RSPO2: variants seen among roughly 807,000 people sequenced by gnomAD.
The protein encoded by RSPO2 is R-spondin-2.
A neutral mutation model predicts 30.9 loss-of-function variants in RSPO2; 14 were observed. The ratio of observed to expected loss-of-function variants is 0.45; its 90% CI spans 0.30 to 0.71. The LOEUF (loss-of-function observed/expected upper bound fraction) is 0.71, where lower values mean the gene tolerates loss of function less well. Among genes scored for constraint, RSPO2 ranks in the 30% least tolerant of loss-of-function variants. RSPO2 has a pLI of 0.08. For missense variants in RSPO2, 264 were observed against 301.9 expected, an observed-to-expected ratio of 0.87 and a Z score of 0.93; for synonymous variants, 107 against 96.4, an observed-to-expected ratio of 1.11 and a Z score of -0.64.
intron 5 of RSPO2, among the ~76,000 whole-genome samples, chr8:107,909,662 CA>C (rs545961402): frequency 9.2e-5 from 14 of 151,994 alleles, no homozygotes; most frequent in Non-Finnish European, 1.9e-4. Flanking sequence ...CTGAGTTCCA[CA>C]AAAAAAGTCA....
intron 5 of RSPO2, among the ~76,000 whole-genome samples, chr8:107,956,410 G>A (rs568261550): frequency 3.3e-5 from 5 of 152,162 alleles, no homozygotes; most frequent in Non-Finnish European, 7.4e-5. Context: ...AATATTAGCA[G>A]ATGATACATA....
At chr8:108,007,641 T>C (rs750964007) in intron 2 of RSPO2, among the ~76,000 whole-genome samples, 16 of 152,200 alleles carry the variant, frequency 1.1e-4, no homozygotes, top group Non-Finnish European at 1.6e-4. Context: ...AACTTGATAC[T>C]GTAGAAACCC....
chr8:108,040,531 T>C (rs756553782), intron 2 of RSPO2, among the ~76,000 whole-genome samples: 13 of 152,012 alleles, frequency 8.6e-5, no homozygotes, highest in Non-Finnish European at 1.5e-4. Flanking sequence ...AGAAAAAAAG[T>C]TGTAGATTGG....
chr8:108,076,044 T>C (rs1175914177), intron 2 of RSPO2, among the ~76,000 whole-genome samples: 1 of 152,088 alleles, frequency 6.6e-6, no homozygotes, highest in East Asian at 1.9e-4. Context: ...TAAGAAACTA[T>C]GAGGGAATAA....
At chr8:108,003,245 GTATGTA>G (rs1196606714) in intron 2 of RSPO2, among the ~76,000 whole-genome samples, 844 of 60,392 alleles carry the variant, frequency 0.014, 23 homozygotes, top group South Asian at 0.12. Flanking sequence ...ATATATGTAT[GTATGTA>G]TGTGTGTGTG....
At chr8:107,968,935 A>G (rs1031341806) in intron 3 of RSPO2, among the ~76,000 whole-genome samples, 1 of 152,152 alleles carries the variant, frequency 6.6e-6, no homozygotes, top group Non-Finnish European at 1.5e-5. Flanking sequence ...TCTAGAGTAC[A>G]CTTAGTGGCT....
intron 2 of RSPO2, among the ~76,000 whole-genome samples, chr8:108,079,391 T>G (rs1813115035): frequency 6.6e-6 from 1 of 152,148 alleles, no homozygotes; most frequent in Non-Finnish European, 1.5e-5. Flanking sequence ...GTAGTCTTAT[T>G]GTTCGTGATG....
intron 3 of RSPO2, among the ~76,000 whole-genome samples, chr8:107,971,499 C>G (rs1813996896): frequency 6.6e-6 from 1 of 152,144 alleles, no homozygotes; most frequent in African/African-American, 2.4e-5. Flanking sequence ...AGAATTAAAA[C>G]AGGGTTTACG....
intron 2 of RSPO2, among the ~76,000 whole-genome samples, chr8:108,010,283 T>A (rs1283461758): frequency 1.3e-5 from 2 of 152,104 alleles, no homozygotes; most frequent in Non-Finnish European, 2.9e-5. Context: ...CAAAGGTACA[T>A]GTGCTATAAC....
chr8:107,946,006 C>T (rs1400743778), intron 5 of RSPO2, among the ~76,000 whole-genome samples: 1 of 152,156 alleles, frequency 6.6e-6, no homozygotes, highest in Admixed American at 6.6e-5. Flanking sequence ...CTCTGCCTAA[C>T]AAAAGTTATA....
intron 2 of RSPO2, among the ~76,000 whole-genome samples, chr8:108,056,483 C>T (rs1362792230): frequency 6.6e-6 from 1 of 150,988 alleles, no homozygotes; most frequent in Non-Finnish European, 1.5e-5. Flanking sequence ...AATAGGCAGG[C>T]CTGGTGGTAC....
chr8:107,900,884 A>G lies in RSPO2; in HGVS notation c.*191T>C, dbSNP rs1259456827. On this transcript the variant is annotated 3_prime_UTR_variant, in exon 6 of 6. Transcript: ENST00000276659. ...GCTGTGCACTTACTCCTGCCTTCAC[A>G]GTCTCCAGATTCAAATCAAAGCATA... 2 of 559,394 alleles carry G rather than the reference A, an allele frequency of 3.6e-6. No homozygotes were observed. The highest frequency in any genetic ancestry group is 3.4e-5 in the Admixed American group (1 of 29,434). The allele number at this position is 559,394 out of a possible 1,614,324, so 34.7% of individuals were successfully genotyped here. A position where few individuals can be genotyped will look rare whatever the true frequency, so the allele number is the denominator to read the frequency against.
At chr8:108,070,524 C>A (rs1253999155) in intron 2 of RSPO2, among the ~76,000 whole-genome samples, 1 of 151,942 alleles carries the variant, frequency 6.6e-6, no homozygotes, top group African/African-American at 2.4e-5. Context: ...GATCTCCTGA[C>A]CTCATGATCC....
At chr8:107,905,467 T>G (rs1312328001) in intron 5 of RSPO2, among the ~76,000 whole-genome samples, 2 of 152,092 alleles carry the variant, frequency 1.3e-5, no homozygotes, top group African/African-American at 4.8e-5. Flanking sequence ...TAACTGGAAT[T>G]TACTGTTGTA....
chr8:107,975,854 G>C (rs1814187308), intron 3 of RSPO2, among the ~76,000 whole-genome samples: 1 of 152,194 alleles, frequency 6.6e-6, no homozygotes, highest in Non-Finnish European at 1.5e-5. Context: ...GCAAAGATGG[G>C]TTTTCTTCAG....
intron 2 of RSPO2, among the ~76,000 whole-genome samples, chr8:107,990,122 G>T (rs1238648659): frequency 6.6e-6 from 1 of 151,968 alleles, no homozygotes; most frequent in African/African-American, 2.4e-5. Flanking sequence ...ACATTACAAT[G>T]AAATGAAAAT....
At chr8:107,943,553 G>A (rs1401495648) in intron 5 of RSPO2, among the ~76,000 whole-genome samples, 1 of 152,278 alleles carries the variant, frequency 6.6e-6, no homozygotes. Context: ...TTCACGTAGC[G>A]GTTCTTGGGA....
chr8:107,937,921 A>G (rs1812772104), intron 5 of RSPO2, among the ~76,000 whole-genome samples: 1 of 152,116 alleles, frequency 6.6e-6, no homozygotes, highest in Non-Finnish European at 1.5e-5. Flanking sequence ...ATTTGCTCAT[A>G]TACACACACT....
intron 2 of RSPO2, among the ~76,000 whole-genome samples, chr8:108,044,951 T>G (rs1451102076): frequency 1.3e-5 from 2 of 152,154 alleles, no homozygotes; most frequent in Non-Finnish European, 2.9e-5. Flanking sequence ...AAGCTTTAAA[T>G]GTAAGACCTT....
Sources: allele counts gnomAD v4.1 joint callset (sites outside exome capture counted in the v4.1 genomes callset), GRCh38; gene constraint gnomAD v4.1.1; transcripts MANE v1.5; gene names NCBI Gene and HGNC (gene_info 2026-07-23, HGNC 2026-07-21).